The following PCDHGA10 variants were observed in gnomAD, a reference collection of about 807,000 sequenced individuals.
PCDHGA10 encodes protocadherin gamma-A10.
In PCDHGA10, 42 loss-of-function variants were observed where a neutral mutation model predicts 59.5. The ratio of observed to expected loss-of-function variants is 0.71; its 90% CI spans 0.55 to 0.91. The LOEUF is 0.91. PCDHGA10 is among the 40% of genes least tolerant of loss of function. The pLI is 0.00. For missense variants in PCDHGA10, 1,111 were observed against 1,198.2 expected (o/e 0.93, Z 1.07); for synonymous variants, 511 against 517.2 (o/e 0.99, Z 0.16).
Position 141,512,147 on chromosome 5 carries a change from GGCTGA to G in PCDHGA10, c.*978_*982del, listed in dbSNP as rs1406468661. The G allele has an allele frequency of 1.3e-5, 2 of 152,652 alleles. No homozygotes were observed. Among genetic ancestry groups the G allele is most frequent in the Admixed American group, 6.5e-5 (1 of 15,286 alleles). The allele number at this position is 152,652 out of a possible 1,614,324, so 9.5% of individuals were successfully genotyped here. A position where few individuals can be genotyped will look rare whatever the true frequency, so the allele number is the denominator to read the frequency against. On this transcript the variant is annotated 3_prime_UTR_variant, in exon 4 of 4. Coordinates refer to ENST00000398610, the MANE Select transcript of PCDHGA10 (RefSeq NM_018913.3). ...GGCTCAGCCCAGGCAGCCAGCTTTG[GGCTGA>G]GCTAACAGGACCAATGGATTAAACT... is the stretch of plus-strand genomic sequence containing the variant.
At chr5:141,433,397 A>C (rs189987785) in intron 1 of PCDHGA10, among the ~76,000 whole-genome samples, 2 of 150,410 alleles carry the variant, frequency 1.3e-5, no homozygotes, top group African/African-American at 4.9e-5. Context: ...CTATCTATCT[A>C]TCTATCTATT....
intron 1 of PCDHGA10, chr5:141,423,256 G>T (rs751894091): frequency 1.4e-5 from 22 of 1,613,816 alleles, no homozygotes; most frequent in Middle Eastern, 1.6e-4. Flanking sequence ...GGCGGACCTC[G>T]GCAGCCTCGA....
chr5:141,431,502 G>A lies in PCDHGA10; in HGVS notation c.2436+15891G>A, dbSNP rs749812839. ...CCAGCGTTTGCTCAGCCCGAGTACC[G>A]CGCGAGCGTTCCGGAGAATCTGGCC... On this transcript the variant is annotated intron_variant, in intron 1 of 3. Coordinates refer to ENST00000398610, the MANE Select transcript of PCDHGA10 (RefSeq NM_018913.3). This position sits in a 1 kb window ranked among gnomAD's most constrained non-coding sequence, Gnocchi z 4.8. 6 of 1,614,008 alleles carry A rather than the reference G, an allele frequency of 3.7e-6. No homozygotes were observed. In the East Asian group the frequency reaches 6.7e-5, roughly 18 times the overall value.
Position 141,414,491 on chromosome 5 carries a change from A to T in PCDHGA10, c.1316A>T (p.Glu439Val). ...GGGGGAAGTCCTCCTCTATCAACGG[A>T]AGCTCACTTTATGCTACAAGTGGCA... ...TDGGSPPLST[E>V]AHFMLQVADI... is the part of the protein sequence containing the mutation. Residue 439 changes from glutamate (E) to valine (V), a missense_variant, in exon 1 of 4, where the codon GAA (glutamate) becomes GTA (valine). Transcript: ENST00000398610. 1 of 1,613,962 alleles carries T rather than the reference A, an allele frequency of 6.2e-7. No homozygotes were observed. Among genetic ancestry groups the T allele is most frequent in the Non-Finnish European group, 8.5e-7 (1 of 1,179,898 alleles).
chr5:141,489,864 T>G lies in PCDHGA10; in HGVS notation c.2437-4943T>G, dbSNP rs1274301673. ...TGGATCGTGAAGCCCAGGCAAGACA[T>G]CAGCTGGTGCTTACTGCTGTGGATG... On this transcript the variant is annotated intron_variant, in intron 1 of 3. Coordinates refer to ENST00000398610, the MANE Select transcript of PCDHGA10 (RefSeq NM_018913.3). This position sits in a 1 kb window ranked among gnomAD's most constrained non-coding sequence, Gnocchi z 4.5. 5 of 1,614,064 alleles carry G rather than the reference T, an allele frequency of 3.1e-6. No individual in the cohort carries two copies. The highest frequency in any genetic ancestry group is 3.4e-6 in the Non-Finnish European group (4 of 1,180,022).
intron 1 of PCDHGA10, chr5:141,478,198 A>G (rs1393603398): frequency 6.2e-7 from 1 of 1,613,864 alleles, no homozygotes; most frequent in East Asian, 2.2e-5. Flanking sequence ...CCTTTTATCT[A>G]CTTCTTTCTC....
intron 1 of PCDHGA10, among the ~76,000 whole-genome samples, chr5:141,482,755 T>TGAAGTGGGAGAATTGCTTGAGCCTGGG (rs1554165462): frequency 6.3e-5 from 9 of 143,570 alleles, no homozygotes; most frequent in African/African-American, 1.4e-4. Context: ...GGGATTATGG[T>TGAAGTGGGAGAATTGCTTGAGCCTGGG]ATTTCATTAT....
At position 141,415,067 on chromosome 5, in the gene PCDHGA10, G is replaced by A; in HGVS notation, c.1892G>A (p.Arg631His). Reference protein sequence around the residue: ...FAVGEHTGEVRTARALLDRDA... With the variant: ...FAVGEHTGEVHTARALLDRDA... ...GTGGGGGAGCACACGGGCGAGGTGC[G>A]CACGGCGCGAGCCCTGCTGGACAGA... The change falls in exon 1 of 4, where the codon CGC becomes CAC. Residue 631 changes from arginine (R) to histidine (H), a missense_variant. Arg to His is a conservative substitution (Grantham distance 29, BLOSUM62 0). Coordinates refer to ENST00000398610, the MANE Select transcript of PCDHGA10 (RefSeq NM_018913.3). The A allele has an allele frequency of 6.2e-7, 1 of 1,613,398 alleles. No individual in the cohort carries two copies. Among genetic ancestry groups the A allele is most frequent in the Non-Finnish European group, 8.5e-7 (1 of 1,179,944 alleles).
Position 141,415,406 on chromosome 5 carries a change from T to G in PCDHGA10, c.2231T>G (p.Phe744Cys). 1 of 1,614,208 alleles carries G rather than the reference T, an allele frequency of 6.2e-7. No homozygotes were observed. Reference sequence around the variant, plus strand: ...TTGACAGGTGTGTCCGGCTCGCACTTTGTGGGCGTGGACGGGGTTCGGGCT... The same window carrying G: ...TTGACAGGTGTGTCCGGCTCGCACTGTGTGGGCGTGGACGGGGTTCGGGCT... ...GGLTGVSGSH[F>C]VGVDGVRAFL... Residue 744 changes from phenylalanine to cysteine, a missense_variant, in exon 1 of 4, where the codon TTT (phenylalanine) becomes TGT (cysteine). Physicochemically the swap from Phe to Cys is radical, Grantham distance 205. Transcript: ENST00000398610.
chr5:141,455,817 A>G (rs1251279680), intron 1 of PCDHGA10, among the ~76,000 whole-genome samples: 3 of 151,882 alleles, frequency 2.0e-5, no homozygotes, highest in Non-Finnish European at 4.4e-5. Flanking sequence ...AAAACTTCCC[A>G]AGGACCCCTT....
intron 2 of PCDHGA10, among the ~76,000 whole-genome samples, chr5:141,499,317 A>G (rs532848559): frequency 7.9e-5 from 12 of 152,354 alleles, no homozygotes; most frequent in Admixed American, 1.3e-4. Context: ...GAGAGACAGT[A>G]TCCCTGCTCT....
chr5:141,500,430 C>T (rs2099800127), intron 2 of PCDHGA10, among the ~76,000 whole-genome samples: 1 of 151,676 alleles, frequency 6.6e-6, no homozygotes, highest in African/African-American at 2.4e-5. Context: ...AGGATGGTCT[C>T]GATCTCCTGA....
Position 141,476,658 on chromosome 5 carries a change from C to A in PCDHGA10, c.2437-18149C>A, listed in dbSNP as rs182518072. On this transcript the variant is annotated intron_variant, in intron 1 of 3. Transcript: ENST00000398610. The surrounding 1 kb of genome is among the most constrained non-coding windows in gnomAD (Gnocchi z 7.6). ...GAGCTGAGCCGAAATGAATACTTTGCGCTTCGCGTGCAGACGCGGGAGGAC... is the reference window on the plus strand; with the variant it reads ...GAGCTGAGCCGAAATGAATACTTTGAGCTTCGCGTGCAGACGCGGGAGGAC... 2 of 1,614,244 alleles carry A rather than the reference C, an allele frequency of 1.2e-6. No homozygotes were observed. The highest frequency in any genetic ancestry group is 2.2e-5 in the East Asian group (1 of 44,878).
At position 141,413,263 on chromosome 5, in the gene PCDHGA10, G is replaced by A; in HGVS notation, c.88G>A (p.Ala30Thr). Residue 30 changes from alanine (A) to threonine (T), a missense_variant, in exon 1 of 4, where the codon GCT becomes ACT. Ala to Thr is a moderately conservative substitution (Grantham distance 58). Coordinates refer to ENST00000398610, the MANE Select transcript of PCDHGA10 (RefSeq NM_018913.3). ...CCTTTTCTTCGGGATTCCATGGGAG[G>A]CTGGAGCCCGGCAGATCTCCTACTC... ...LCLFFGIPWEAGARQISYSIP... is the reference protein window; with the variant it reads ...LCLFFGIPWETGARQISYSIP... 1 of 1,613,940 alleles carries A rather than the reference G, an allele frequency of 6.2e-7. No homozygotes were observed. The highest frequency in any genetic ancestry group is 1.7e-5 in the Admixed American group (1 of 60,032).
Position 141,506,445 on chromosome 5 carries a change from A to T in PCDHGA10, c.2584+964A>T, listed in dbSNP as rs1018306383. 3.8e-3 allele frequency among the ~76,000 whole-genome samples: 112 copies of T among 29,226 alleles called. No individual in the cohort carries two copies. The Middle Eastern group carries it at 0.08, about 21-fold the overall frequency. The allele number at this position is 29,226 out of a possible 152,430, so 19.2% of individuals were successfully genotyped here. ...CTGGGCAACAGTCTCGCTCTGTCTC[A>T]AAAAAAAAAAAAAAAAAAAAGAGCA... On this transcript the variant is annotated intron_variant, in intron 3 of 3. Transcript: ENST00000398610.
At chr5:141,456,700 C>T (rs1420857227) in intron 1 of PCDHGA10, among the ~76,000 whole-genome samples, 1 of 152,060 alleles carries the variant, frequency 6.6e-6, no homozygotes, top group Admixed American at 6.6e-5. Flanking sequence ...CGTGGTGGCT[C>T]GCGCCTGTAA....
At chr5:141,423,066 C>T (rs1375575018) in intron 1 of PCDHGA10, 2 of 1,614,002 alleles carry the variant, frequency 1.2e-6, no homozygotes, top group South Asian at 1.1e-5. Context: ...TTAAGGCCAG[C>T]GAGCCGGGAC....
chr5:141,463,572 C>A (rs1462125489), intron 1 of PCDHGA10, among the ~76,000 whole-genome samples: 2 of 151,572 alleles, frequency 1.3e-5, no homozygotes, highest in African/African-American at 4.9e-5. Context: ...CCTCAGCCTC[C>A]CGAGTAGCTG....
At position 141,487,235 on chromosome 5, in the gene PCDHGA10, C is replaced by A. The variant is rs752316565; in HGVS notation, c.2437-7572C>A. ...TTCAGCTCCAAGGGAAGGAGAATCT[C>A]GTCTAACCCTCTACTTGGCTGTGTC... On this transcript the variant is annotated intron_variant, in intron 1 of 3. Coordinates refer to ENST00000398610, the MANE Select transcript of PCDHGA10 (RefSeq NM_018913.3). This position sits in a 1 kb window ranked among gnomAD's most constrained non-coding sequence, Gnocchi z 5.0. 11 of 1,614,126 alleles carry A rather than the reference C, an allele frequency of 6.8e-6. No homozygotes were observed. The highest frequency in any genetic ancestry group is 7.6e-6 in the Non-Finnish European group (9 of 1,179,994).
Sources: gnomAD v4.1 joint callset for allele counts (sites outside exome capture counted in the v4.1 genomes callset) on GRCh38, gnomAD v4.1.1 for gene constraint, Gnocchi (gnomAD v3.1) non-coding constraint, MANE v1.5 for transcripts, NCBI Gene and HGNC (gene_info 2026-07-23, HGNC 2026-07-21) for gene names.